The following ASXL3 variants were observed in gnomAD, a reference collection of about 807,000 sequenced individuals.
The protein encoded by ASXL3 is ASXL transcriptional regulator 3.
ASXL3 carries 34 observed loss-of-function variants against 170.6 expected under a neutral mutation model. That is an observed-to-expected ratio of 0.20 (90% CI 0.15 to 0.27). The LOEUF (loss-of-function observed/expected upper bound fraction) is 0.27. ASXL3 is among the 10% of genes least tolerant of loss of function. The probability of loss-of-function intolerance (pLI) is 1.00; values close to 1 mark genes in which losing one functional copy is unlikely to be tolerated. For synonymous variants in ASXL3, 1,002 were observed against 989.1 expected (o/e 1.01, Z -0.24); for missense variants, 2,592 against 2,695.3 (o/e 0.96, Z 0.85).
intron 8 of ASXL3, among the ~76,000 whole-genome samples, chr18:33,692,548 A>G (rs1003951117): frequency 6.6e-6 from 1 of 152,080 alleles, no homozygotes; most frequent in South Asian, 2.1e-4. Flanking sequence ...CTCCCCTCCC[A>G]TCTAAAACAC....
At chr18:33,713,231 T>TTTG (rs2067100951) in intron 8 of ASXL3, among the ~76,000 whole-genome samples, 1 of 72,914 alleles carries the variant, frequency 1.4e-5, no homozygotes, top group Non-Finnish European at 2.4e-5. Flanking sequence ...ACAAGAAGGT[T>TTTG]TTTTTTGTTT....
At chr18:33,674,582 T>TG (rs1413959538) in intron 7 of ASXL3, among the ~76,000 whole-genome samples, 5 of 151,934 alleles carry the variant, frequency 3.3e-5, no homozygotes, top group Admixed American at 6.5e-5. Context: ...AATGAAAGGA[T>TG]GGGCCTTAAA....
At chr18:33,706,983 C>A (rs889559842) in intron 8 of ASXL3, among the ~76,000 whole-genome samples, 20 of 151,788 alleles carry the variant, frequency 1.3e-4, no homozygotes, top group African/African-American at 4.8e-4. Context: ...GTTGACCAAA[C>A]ATATCTTATT....
intron 8 of ASXL3, among the ~76,000 whole-genome samples, chr18:33,715,833 AG>A (rs1338190999): frequency 1.3e-5 from 2 of 152,172 alleles, no homozygotes; most frequent in Non-Finnish European, 2.9e-5. Context: ...AATAAAGAGA[AG>A]GGGATAGAAT....
rs190659120 is a variant in ASXL3, at chr18:33,740,369, C to G, written c.2965C>G (p.Arg989Gly). ...RARIEDDQST[R>G]NISSSSPPEK... ...TAGGATAGAAGATGATCAGTCAACC[C>G]GGAACATATCATCTAGCAGCCCACC... The change falls in exon 11 of 12, where the codon CGG (arginine) becomes GGG (glycine). Residue 989 changes from arginine (R) to glycine (G), a missense_variant. Physicochemically the swap from Arg to Gly is moderately radical, Grantham distance 125 (BLOSUM62 -2). Around this residue, in one of 4 missense-constraint regions of ASXL3, gnomAD observed 2,246 missense variants for 2,219.6 expected, o/e 1.01. Transcript: ENST00000269197. 2,929 of 1,609,562 alleles carry G rather than the reference C, an allele frequency of 1.8e-3. 11 individuals are homozygous for G. The highest frequency in any genetic ancestry group is 2.2e-3 in the Non-Finnish European group (2,579 of 1,178,164).
At chr18:33,734,545 T>TAAGA (rs2067513011) in intron 10 of ASXL3, 130 bp downstream of exon 10, 1 of 478,602 alleles carries the variant, frequency 2.1e-6, no homozygotes, top group Non-Finnish European at 3.5e-6. Flanking sequence ...TCCCTCAGTG[T>TAAGA]AAGAAATTGC....
intron 4 of ASXL3, among the ~76,000 whole-genome samples, chr18:33,646,887 G>C (rs1418923587): frequency 6.8e-6 from 1 of 146,088 alleles, no homozygotes; most frequent in South Asian, 2.3e-4. Context: ...GAGCGGGGGG[G>C]GGGGGCATTT....
chr18:33,592,400 G>A (rs993270182), intron 1 of ASXL3, among the ~76,000 whole-genome samples: 3 of 152,144 alleles, frequency 2.0e-5, no homozygotes, highest in Non-Finnish European at 4.4e-5. Context: ...TTCCTCCTTA[G>A]GGACATGTGG....
chr18:33,744,360 A>C lies in ASXL3; in HGVS notation c.4512A>C (p.Pro1504=). The change falls in exon 12 of 12, where the codon CCA becomes CCC. Residue 1504 remains proline, a synonymous_variant. Coordinates refer to ENST00000269197, the MANE Select transcript of ASXL3 (RefSeq NM_030632.3). ...SEASLDLQGR[P]VRTEASVQPV... ...CCAGCTTGGACCTGCAGGGCAGACC[A>C]GTGAGGACAGAGGCATCCGTACAGC... The C allele has an allele frequency of 1.2e-6, 2 of 1,613,980 alleles. No homozygotes were observed. The highest frequency in any genetic ancestry group is 2.2e-5 in the South Asian group (2 of 91,088).
At chr18:33,695,729 C>G (rs2066763990) in intron 8 of ASXL3, among the ~76,000 whole-genome samples, 1 of 152,100 alleles carries the variant, frequency 6.6e-6, no homozygotes, top group South Asian at 2.1e-4. Context: ...ACATACTATT[C>G]TGTGCATTAA....
chr18:33,654,811 A>G (rs1859521732), intron 4 of ASXL3, among the ~76,000 whole-genome samples: 3 of 152,220 alleles, frequency 2.0e-5, no homozygotes, highest in South Asian at 4.1e-4. Flanking sequence ...TTAGGTGGCT[A>G]AAGGCTGGTA....
rs770532137 is a variant in ASXL3 at position 33,742,827 on chromosome 18, C to T, written c.3040-61C>T. ...TTTTCCCTTGCATTATCACATTCTACGTGCCTCCTCTGTGATCATGTATGA... is the reference window on the plus strand; with the variant it reads ...TTTTCCCTTGCATTATCACATTCTATGTGCCTCCTCTGTGATCATGTATGA... On this transcript the variant is annotated intron_variant, in intron 11 of 11. Coordinates refer to ENST00000269197, the MANE Select transcript of ASXL3 (RefSeq NM_030632.3). 24 of 1,504,212 alleles carry T rather than the reference C, an allele frequency of 1.6e-5. No individual in the cohort carries two copies. In the Admixed American group the frequency reaches 1.6e-4, roughly 10 times the overall value. 93.2% of individuals were successfully genotyped at this position (1,504,212 alleles called of 1,614,324 possible). A position where few individuals can be genotyped will look rare whatever the true frequency, so the allele number is the denominator to read the frequency against.
Position 33,738,917 on chromosome 18 carries a change from A to T in ASXL3, c.1513A>T (p.Met505Leu). 1 of 1,613,584 alleles carries T rather than the reference A, an allele frequency of 6.2e-7. No homozygotes were observed. Among genetic ancestry groups the T allele is most frequent in the African/African-American group, 1.3e-5 (1 of 75,048 alleles). The change falls in exon 11 of 12, where the codon ATG becomes TTG. Residue 505 changes from methionine (M) to leucine (L), a missense_variant. Physicochemically the swap from Met to Leu is conservative, Grantham distance 15. Around this residue, in one of 4 missense-constraint regions of ASXL3, gnomAD observed 2,246 missense variants for 2,219.6 expected, o/e 1.01. Transcript: ENST00000269197. ...PEDNLESCVM[M>L]NDVLETLPHI... is the part of the protein sequence containing the mutation. ...AGATAACTTGGAATCCTGTGTTATG[A>T]TGAATGATGTTTTAGAAACTTTGCC...
In ASXL3 at chr18:33,610,846, G is replaced by A. The variant is rs1301433181; in HGVS notation, c.137+3170G>A. ...TTTAACATCAAAAGAAACTTAACAC[G>A]TTTGTGGAAATCCCATTAAATATAT... On this transcript the variant is annotated intron_variant, in intron 2 of 11. Transcript: ENST00000269197. 7.9e-5 allele frequency among the ~76,000 whole-genome samples: 12 copies of A among 151,988 alleles called. No individual in the cohort carries two copies. The East Asian group carries it at 9.7e-4, about 12-fold the overall frequency.
In ASXL3 at chr18:33,739,134, C is replaced by G. The variant is rs377377828; in HGVS notation, c.1730C>G (p.Ser577Cys). ...ACCCCCAAAATAAAAACAGGGTCAT[C>G]TTCTCTAGAAGGCCAGTTTCCAAAT... ...TSTPKIKTGS[S>C]SLEGQFPNEG... Residue 577 changes from serine to cysteine, a missense_variant, in exon 11 of 12, where the codon TCT (serine) becomes TGT (cysteine). Coordinates refer to ENST00000269197, the MANE Select transcript of ASXL3 (RefSeq NM_030632.3). 1 of 1,613,400 alleles carries G rather than the reference C, an allele frequency of 6.2e-7. No individual in the cohort carries two copies. Among genetic ancestry groups the G allele is most frequent in the Non-Finnish European group, 8.5e-7 (1 of 1,179,696 alleles).
intron 2 of ASXL3, among the ~76,000 whole-genome samples, chr18:33,639,757 T>A (rs1288501706): frequency 6.6e-6 from 1 of 152,128 alleles, no homozygotes; most frequent in African/African-American, 2.4e-5. Flanking sequence ...TAGTTTTTAA[T>A]AGGATAAGAG....
chr18:33,680,692 A>G (rs2066500669), intron 7 of ASXL3, among the ~76,000 whole-genome samples: 1 of 152,028 alleles, frequency 6.6e-6, no homozygotes, highest in Admixed American at 6.6e-5. Context: ...TTATACACTT[A>G]AGGAATGATC....
chr18:33,619,223 T>G (rs1254552801), intron 2 of ASXL3, among the ~76,000 whole-genome samples: 4 of 152,066 alleles, frequency 2.6e-5, no homozygotes, highest in Non-Finnish European at 5.9e-5. Context: ...GTTCTTAACC[T>G]TTTTAAACAT....
intron 1 of ASXL3, among the ~76,000 whole-genome samples, chr18:33,600,567 TCTTA>T (rs1421933527): frequency 3.3e-5 from 5 of 152,170 alleles, no homozygotes; most frequent in Non-Finnish European, 4.4e-5. Flanking sequence ...ATTATTCTTT[TCTTA>T]CTTTTTAGAA....
Sources: allele counts gnomAD v4.1 joint callset (sites outside exome capture counted in the v4.1 genomes callset), GRCh38; gene constraint gnomAD v4.1.1; regional missense constraint gnomAD v4.1.1; transcripts MANE v1.5; gene names NCBI Gene and HGNC (gene_info 2026-07-23, HGNC 2026-07-21).